UNC5A: variants seen among roughly 807,000 people sequenced by gnomAD.
UNC5A encodes the protein unc-5 netrin receptor A.
A neutral mutation model predicts 87.4 loss-of-function variants in UNC5A; 20 were observed. The observed-to-expected ratio is 0.23, with a 90% CI of 0.16 to 0.33. The LOEUF is 0.33. Among genes scored for constraint, UNC5A ranks in the 10% least tolerant of loss-of-function variants. The pLI is 1.00. For missense variants in UNC5A, 844 were observed against 1,133.4 expected (o/e 0.74, Z 3.67); for synonymous variants, 438 against 482.3 (o/e 0.91, Z 1.20).
intron 1 of UNC5A, among the ~76,000 whole-genome samples, chr5:176,818,333 G>A (rs946883753): frequency 3.3e-5 from 5 of 152,184 alleles, no homozygotes; most frequent in Non-Finnish European, 5.9e-5. Context: ...CCCAGGTCCC[G>A]GCTGTCCTCT....
chr5:176,826,313 C>A (rs1352964437), intron 1 of UNC5A, among the ~76,000 whole-genome samples: 1 of 152,152 alleles, frequency 6.6e-6, no homozygotes, highest in Non-Finnish European at 1.5e-5. Flanking sequence ...TATCATGGAG[C>A]GGATCCTGAG....
intron 1 of UNC5A, among the ~76,000 whole-genome samples, chr5:176,825,489 G>A (rs1466370028): frequency 6.6e-6 from 1 of 152,202 alleles, no homozygotes; most frequent in East Asian, 1.9e-4. Flanking sequence ...TGTGAACAGT[G>A]TAGACAGACA....
intron 1 of UNC5A, among the ~76,000 whole-genome samples, chr5:176,822,095 T>C (rs1756740598): frequency 6.6e-6 from 1 of 152,242 alleles, no homozygotes; most frequent in African/African-American, 2.4e-5. Flanking sequence ...TTTGCTCACC[T>C]GGAAAATGCA....
intron 1 of UNC5A, among the ~76,000 whole-genome samples, chr5:176,825,372 C>T (rs1029344711): frequency 6.6e-6 from 1 of 152,076 alleles, no homozygotes; most frequent in African/African-American, 2.4e-5. Flanking sequence ...TTGAGGAAGG[C>T]TTTGGCGAAG....
At chr5:176,860,309 C>G (rs1418154641) in intron 1 of UNC5A, among the ~76,000 whole-genome samples, 1 of 152,254 alleles carries the variant, frequency 6.6e-6, no homozygotes, top group African/African-American at 2.4e-5. Context: ...CTCCCAAATG[C>G]TGCAGCTTGC....
chr5:176,821,361 C>T (rs1262910737), intron 1 of UNC5A, among the ~76,000 whole-genome samples: 1 of 152,204 alleles, frequency 6.6e-6, no homozygotes, highest in African/African-American at 2.4e-5. Context: ...GACCTTCCTT[C>T]TCCAGTTCCT....
intron 4 of UNC5A, 50 bp from the exon 5 acceptor site, chr5:176,868,734 G>A: frequency 1.3e-6 from 2 of 1,587,916 alleles, no homozygotes; most frequent in Non-Finnish European, 1.7e-6. Context: ...GGGCCACTCT[G>A]GGCAGGGCCA....
In UNC5A at chr5:176,878,035, C is replaced by T; in HGVS notation, c.1777C>T (p.Leu593Phe). ...CCTCAGCGTGGCTGCCGCCAAGCGC[C>T]TCAAGCTGCTTCTGTTTGCGCCGGT... Reference protein sequence around the residue: ...EALSVAAAKRLKLLLFAPVAC... With the variant: ...EALSVAAAKRFKLLLFAPVAC... The change falls in exon 11 of 15, where the codon CTC becomes TTC. Residue 593 changes from leucine (L) to phenylalanine (F), a missense_variant. By Grantham distance (22) the Leu-to-Phe change is conservative. Coordinates refer to ENST00000329542, the MANE Select transcript of UNC5A (RefSeq NM_133369.3). 2 of 1,609,074 alleles carry T rather than the reference C, an allele frequency of 1.2e-6. No homozygotes were observed. The highest frequency in any genetic ancestry group is 1.7e-6 in the Non-Finnish European group (2 of 1,179,958).
chr5:176,846,165 G>A (rs997066413), intron 1 of UNC5A, among the ~76,000 whole-genome samples: 2 of 152,126 alleles, frequency 1.3e-5, no homozygotes, highest in African/African-American at 4.8e-5. Flanking sequence ...GGCACTTTCT[G>A]CCCTGAGGTC....
At chr5:176,823,392 A>G (rs1756776717) in intron 1 of UNC5A, among the ~76,000 whole-genome samples, 1 of 152,022 alleles carries the variant, frequency 6.6e-6, no homozygotes, top group Non-Finnish European at 1.5e-5. Context: ...GGTCACGTGA[A>G]GCCAAGGGAG....
Position 176,877,227 on chromosome 5 carries a change from C to T in UNC5A, c.1414C>T (p.Arg472Ter), listed in dbSNP as rs750085350. 1.2e-6 allele frequency: 2 copies of T among 1,612,748 alleles called. No individual in the cohort carries two copies. ...CCTCATCCCCCCAGATGCCATACCC[C>T]GAGGGAAGATCTATGAGATCTACCT... Reference protein sequence around the residue: ...SLLIPPDAIPRGKIYEIYLTL... With the variant: ...SLLIPPDAIP Residue 472 changes from arginine to a stop codon, truncating the protein, a stop_gained, in exon 9 of 15, where the codon CGA becomes TGA. Transcript: ENST00000329542. LOFTEE classifies it high-confidence loss of function.
Position 176,877,882 on chromosome 5 carries a change from C to T in UNC5A, c.1636-12C>T. The T allele has an allele frequency of 6.3e-7, 1 of 1,595,422 alleles. No individual in the cohort carries two copies. Among genetic ancestry groups the T allele is most frequent in the Non-Finnish European group, 8.5e-7 (1 of 1,174,964 alleles). On this transcript the variant is annotated splice_polypyrimidine_tract_variant and intron_variant, in intron 10 of 14. Transcript: ENST00000329542. ...GGCTGGGCCGAATTGACCCACTGAC[C>T]CCTGCCCACAGGATGTGCTGCACCT...
intron 1 of UNC5A, among the ~76,000 whole-genome samples, chr5:176,855,252 C>T (rs1757637421): frequency 6.6e-6 from 1 of 152,240 alleles, no homozygotes. Flanking sequence ...CAGGACTGGC[C>T]CTTCCCTGTG....
Position 176,810,559 on chromosome 5 carries a change from G to T in UNC5A, c.-192G>T, listed in dbSNP as rs1246984552. The T allele has an allele frequency of 6.8e-6, 1 of 147,486 alleles. No homozygotes were observed. Among genetic ancestry groups the T allele is most frequent in the African/African-American group, 2.4e-5 (1 of 40,884 alleles). The allele number at this position is 147,486 out of a possible 1,614,324, so 9.1% of individuals were successfully genotyped here. On this transcript the variant is annotated 5_prime_UTR_variant, in exon 1 of 15. Transcript: ENST00000329542. The surrounding 1 kb of genome is among the most constrained non-coding windows in gnomAD (Gnocchi z 7.3). ...GCTGGCGCTGCGCTCCGCCCCGGCT[G>T]CATTGCTGCGCTCCCGTGCCCAAGG... is the stretch of plus-strand genomic sequence containing the variant.
intron 1 of UNC5A, among the ~76,000 whole-genome samples, chr5:176,830,617 C>T (rs1756981604): frequency 8.5e-6 from 1 of 117,766 alleles, no homozygotes; most frequent in Admixed American, 9.0e-5. Flanking sequence ...TGTGTGTGCG[C>T]TGGCGTGTGT....
intron 1 of UNC5A, among the ~76,000 whole-genome samples, chr5:176,858,877 C>T (rs530398340): frequency 6.6e-6 from 1 of 152,206 alleles, no homozygotes; most frequent in East Asian, 1.9e-4. Context: ...AGAGGCTCGG[C>T]TGTGCCTTCA....
chr5:176,856,216 C>T (rs1757663595), intron 1 of UNC5A, among the ~76,000 whole-genome samples: 1 of 152,236 alleles, frequency 6.6e-6, no homozygotes, highest in Non-Finnish European at 1.5e-5. Flanking sequence ...TTCACACCCA[C>T]CTTGGGCCTC....
chr5:176,818,619 A>T lies in UNC5A; in HGVS notation c.70+7799A>T, dbSNP rs769476826. ...CACCGCAGGAAGTGGCAGAGCTGGG[A>T]CCTTATTGGGCAGCTACTACTCTGC... On this transcript the variant is annotated intron_variant, in intron 1 of 14. Coordinates refer to ENST00000329542, the MANE Select transcript of UNC5A (RefSeq NM_133369.3). Among the ~76,000 whole-genome samples the T allele has an allele frequency of 1.1e-3, 164 of 152,190 alleles. 1 individual carries two copies. Among genetic ancestry groups the T allele is most frequent in the Non-Finnish European group, 9.9e-4 (67 of 67,994 alleles).
intron 1 of UNC5A, among the ~76,000 whole-genome samples, chr5:176,835,009 G>A (rs763483739): frequency 2.2e-4 from 34 of 152,262 alleles, no homozygotes; most frequent in Non-Finnish European, 3.5e-4. Flanking sequence ...GGCTGTGGGA[G>A]ACACATGCCT....
Sources: allele counts gnomAD v4.1 joint callset (sites outside exome capture counted in the v4.1 genomes callset), GRCh38; gene constraint gnomAD v4.1.1; non-coding constraint Gnocchi (gnomAD v3.1); transcripts MANE v1.5; gene names NCBI Gene and HGNC (gene_info 2026-07-23, HGNC 2026-07-21).